Variants in HTR1F observed in about 807,000 individuals in gnomAD.
The protein encoded by HTR1F is 5-hydroxytryptamine (serotonin) receptor 1F, G protein-coupled.
Under a neutral mutation model 24.0 loss-of-function variants are expected in HTR1F, and 17 were observed. The observed-to-expected ratio is 0.71, with a 90% CI of 0.48 to 1.06. HTR1F has a LOEUF of 1.06. HTR1F is among the 50% of genes least tolerant of loss of function. The pLI, the probability that HTR1F is intolerant of heterozygous loss-of-function variation, is 0.00. For missense variants in HTR1F, 391 were observed against 427.8 expected, an observed-to-expected ratio of 0.91 and a Z score of 0.76; for synonymous variants, 186 against 156.8, an observed-to-expected ratio of 1.19 and a Z score of -1.39.
intron 2 of HTR1F, among the ~76,000 whole-genome samples, chr3:87,849,441 T>G (rs1205265271): frequency 6.6e-6 from 1 of 151,848 alleles, no homozygotes; most frequent in Non-Finnish European, 1.5e-5. Context: ...TTCTTACACC[T>G]TCTACAAAAA....
At chr3:87,843,242 CAT>C (rs1428897332) in intron 2 of HTR1F, among the ~76,000 whole-genome samples, 1 of 151,942 alleles carries the variant, frequency 6.6e-6, no homozygotes, top group Non-Finnish European at 1.5e-5. Flanking sequence ...GTCTTAATAA[CAT>C]AGGCTCAAAT....
At chr3:87,814,438 G>T (rs1366755604) in intron 1 of HTR1F, among the ~76,000 whole-genome samples, 1 of 151,974 alleles carries the variant, frequency 6.6e-6, no homozygotes, top group Non-Finnish European at 1.5e-5. Context: ...AGAATATATT[G>T]TTATTATCTA....
chr3:87,915,845 A>G (rs1247878889), intron 2 of HTR1F, among the ~76,000 whole-genome samples: 2 of 152,198 alleles, frequency 1.3e-5, no homozygotes, highest in Non-Finnish European at 2.9e-5. Context: ...CAAATACAAG[A>G]AGCACACAGA....
chr3:87,814,696 AATGT>A (rs1352628817), intron 1 of HTR1F, among the ~76,000 whole-genome samples: 3 of 152,182 alleles, frequency 2.0e-5, no homozygotes, highest in African/African-American at 7.2e-5. Context: ...AATAAACATG[AATGT>A]ATGTGGTATA....
chr3:87,816,428 A>G (rs1371862307), intron 1 of HTR1F, among the ~76,000 whole-genome samples: 1 of 152,046 alleles, frequency 6.6e-6, no homozygotes, highest in Non-Finnish European at 1.5e-5. Context: ...CAAATGGGTA[A>G]AAGAGTAAAA....
intron 2 of HTR1F, among the ~76,000 whole-genome samples, chr3:87,836,701 A>G (rs995559060): frequency 6.6e-6 from 1 of 152,158 alleles, no homozygotes; most frequent in South Asian, 2.1e-4. Context: ...GATCTTCCAG[A>G]TACCTCCCTG....
chr3:87,925,685 G>A (rs1704108992), intron 2 of HTR1F, among the ~76,000 whole-genome samples: 1 of 152,138 alleles, frequency 6.6e-6, no homozygotes, highest in African/African-American at 2.4e-5. Context: ...GAGTAATGCA[G>A]CCACTTGGAC....
intron 2 of HTR1F, among the ~76,000 whole-genome samples, chr3:87,987,148 T>A (rs1196813672): frequency 5.3e-5 from 8 of 151,094 alleles, no homozygotes; most frequent in Non-Finnish European, 7.4e-5. Flanking sequence ...ATAAAATAGA[T>A]AAACAAATAA....
intron 2 of HTR1F, among the ~76,000 whole-genome samples, chr3:87,981,189 G>GT (rs1178917400): frequency 6.6e-6 from 1 of 152,098 alleles, no homozygotes; most frequent in South Asian, 2.1e-4. Flanking sequence ...TATGTTTTGG[G>GT]TTTTTTTGTT....
At chr3:87,976,908 G>T (rs1442354270) in intron 2 of HTR1F, among the ~76,000 whole-genome samples, 2 of 152,144 alleles carry the variant, frequency 1.3e-5, no homozygotes, top group Non-Finnish European at 2.9e-5. Flanking sequence ...TGAAGTATTT[G>T]CCTTGCTTAT....
At chr3:87,900,325 C>T (rs1449559035) in intron 2 of HTR1F, among the ~76,000 whole-genome samples, 1 of 152,142 alleles carries the variant, frequency 6.6e-6, no homozygotes, top group African/African-American at 2.4e-5. Flanking sequence ...AAAAAGTGCA[C>T]TCTGTCTCTG....
In HTR1F at chr3:87,830,564, G is replaced by A. The variant is rs147170409; in HGVS notation, c.-43+8440G>A. On this transcript the variant is annotated intron_variant, in intron 2 of 2. Transcript: ENST00000319595. ...AGACATTAATTTCTCATGATTTCTC[G>A]TGCTATCTATGGAAATAATCCTTTA... 4.1e-3 allele frequency among the ~76,000 whole-genome samples: 624 copies of A among 152,064 alleles called. 2 individuals carry two copies. The highest frequency in any genetic ancestry group is 0.014 in the African/African-American group (576 of 41,474).
intron 2 of HTR1F, among the ~76,000 whole-genome samples, chr3:87,961,219 G>T (rs1705053803): frequency 6.6e-6 from 1 of 151,958 alleles, no homozygotes; most frequent in Non-Finnish European, 1.5e-5. Context: ...AATTATAGTA[G>T]TCCAAGTCCA....
At chr3:87,847,715 C>A (rs1039286482) in intron 2 of HTR1F, among the ~76,000 whole-genome samples, 13 of 151,800 alleles carry the variant, frequency 8.6e-5, no homozygotes, top group African/African-American at 2.2e-4. Context: ...CCTTCCAAGT[C>A]TCTGGTACCC....
intron 1 of HTR1F, among the ~76,000 whole-genome samples, chr3:87,794,345 C>T (rs1385664734): frequency 6.6e-6 from 1 of 152,164 alleles, no homozygotes; most frequent in Non-Finnish European, 1.5e-5. Flanking sequence ...TTCCCCCCAC[C>T]CCATTCTAAT....
chr3:87,942,920 G>T (rs1353394076), intron 2 of HTR1F, among the ~76,000 whole-genome samples: 1 of 152,046 alleles, frequency 6.6e-6, no homozygotes, highest in East Asian at 1.9e-4. Flanking sequence ...AGATTAGTTG[G>T]CCTTCAATAG....
At chr3:87,806,251 T>G (rs1228544996) in intron 1 of HTR1F, among the ~76,000 whole-genome samples, 8 of 152,092 alleles carry the variant, frequency 5.3e-5, no homozygotes, top group African/African-American at 1.9e-4. Flanking sequence ...ACTAATTTCC[T>G]TTGGATAAAT....
intron 2 of HTR1F, among the ~76,000 whole-genome samples, chr3:87,920,086 T>C (rs994430201): frequency 6.7e-6 from 1 of 149,622 alleles, no homozygotes; most frequent in Non-Finnish European, 1.5e-5. Context: ...AGGAATGAAT[T>C]AACTGCATTT....
intron 2 of HTR1F, among the ~76,000 whole-genome samples, chr3:87,941,305 T>A (rs990974537): frequency 4.6e-5 from 7 of 152,168 alleles, no homozygotes; most frequent in East Asian, 1.9e-4. Context: ...AGGAACCCTC[T>A]TAGTTGCTTT....
Sources: allele counts gnomAD v4.1 joint callset (sites outside exome capture counted in the v4.1 genomes callset), GRCh38; gene constraint gnomAD v4.1.1; transcripts MANE v1.5; gene names NCBI Gene and HGNC (gene_info 2026-07-23, HGNC 2026-07-21).